ABCA10: variants seen among roughly 807,000 people sequenced by gnomAD.
ABCA10 encodes ATP-binding cassette sub-family A member 10.
ABCA10 carries 169 observed loss-of-function variants against 187.5 expected under a neutral mutation model. The ratio of observed to expected loss-of-function variants is 0.90; its 90% CI spans 0.80 to 1.02. ABCA10 has a LOEUF of 1.02. Among genes scored for constraint, ABCA10 ranks in the 50% least tolerant of loss-of-function variants. The pLI is 0.00. For synonymous variants in ABCA10, 574 were observed against 601.8 expected (o/e 0.95, Z 0.68); for missense variants, 1,727 against 1,812.4 (o/e 0.95, Z 0.86).
intron 9 of ABCA10, among the ~76,000 whole-genome samples, chr17:69,202,286 C>A (rs2074552030): frequency 6.6e-6 from 1 of 152,026 alleles, no homozygotes; most frequent in Non-Finnish European, 1.5e-5. Flanking sequence ...GATGTGTAAG[C>A]TGATCCTGCC....
chr17:69,210,769 G>A (rs2074637828), intron 9 of ABCA10, among the ~76,000 whole-genome samples: 1 of 149,222 alleles, frequency 6.7e-6, no homozygotes. Context: ...TTATGGATGA[G>A]TAGTATTTCA....
chr17:69,187,046 G>T (rs1568060787), intron 19 of ABCA10, among the ~76,000 whole-genome samples: 1 of 151,692 alleles, frequency 6.6e-6, no homozygotes, highest in Non-Finnish European at 1.5e-5. Flanking sequence ...AAGAGTTAAA[G>T]AAATCAATGA....
chr17:69,174,198 G>T, intron 25 of ABCA10, 83 bp downstream of exon 25: 2 of 1,011,284 alleles, frequency 2.0e-6, no homozygotes, highest in Non-Finnish European at 2.8e-6. Context: ...TCTCTTCTAA[G>T]CAAAGTATTT....
chr17:69,241,327 C>T (rs1394467986), intron 1 of ABCA10, among the ~76,000 whole-genome samples: 1 of 152,222 alleles, frequency 6.6e-6, no homozygotes, highest in African/African-American at 2.4e-5. Context: ...ATTCAACTCA[C>T]CATCTCTTGC....
At chr17:69,154,420 CTTT>C (rs56142812) in intron 30 of ABCA10, 94 bp from the exon 31 acceptor site, 14,073 of 454,570 alleles carry the variant, frequency 0.031, no homozygotes, top group Middle Eastern at 0.046. Flanking sequence ...AACAAAATGA[CTTT>C]TTTTTTTTTT....
At chr17:69,175,679 T>C (rs2074329391) in intron 22 of ABCA10, 166 bp from the exon 23 acceptor site, 2 of 523,512 alleles carry the variant, frequency 3.8e-6, no homozygotes, top group East Asian at 3.5e-5. Context: ...GCAGGTTCCA[T>C]TCCCAGGAAC....
At chr17:69,194,284 A>T (rs1323383207) in intron 12 of ABCA10, 101 bp downstream of exon 12, 1 of 984,946 alleles carries the variant, frequency 1.0e-6, no homozygotes, top group African/African-American at 1.6e-5. Context: ...AAATTATTCA[A>T]CTGTGTAACA....
At chr17:69,160,535 A>G (rs1346786961) in intron 27 of ABCA10, among the ~76,000 whole-genome samples, 1 of 152,164 alleles carries the variant, frequency 6.6e-6, no homozygotes, top group Admixed American at 6.5e-5. Flanking sequence ...TGAACCCAAG[A>G]GGCGGAGGTT....
intron 19 of ABCA10, 27 bp downstream of exon 19, chr17:69,187,654 A>G: frequency 6.3e-7 from 1 of 1,597,430 alleles, no homozygotes; most frequent in Non-Finnish European, 8.6e-7. Flanking sequence ...TACTGACCAA[A>G]TAGATATAAA....
chr17:69,238,112 A>G (rs2074882794), intron 1 of ABCA10, among the ~76,000 whole-genome samples: 1 of 151,370 alleles, frequency 6.6e-6, no homozygotes, highest in Non-Finnish European at 1.5e-5. Context: ...CAGTGAGCTG[A>G]GATCACGCCA....
chr17:69,193,336 C>T, intron 14 of ABCA10, 88 bp from the exon 15 acceptor site: 2 of 1,549,106 alleles, frequency 1.3e-6, no homozygotes, highest in Non-Finnish European at 1.7e-6. Context: ...GATTTCTAGA[C>T]TCAAATACAG....
chr17:69,218,824 G>A (rs1172630564), intron 6 of ABCA10, among the ~76,000 whole-genome samples: 1 of 152,128 alleles, frequency 6.6e-6, no homozygotes, highest in East Asian at 1.9e-4. Flanking sequence ...CAGACTATGT[G>A]ACCGGGCCTC....
intron 8 of ABCA10, 200 bp downstream of exon 8, chr17:69,215,615 G>T: frequency 2.1e-6 from 1 of 468,256 alleles, no homozygotes; most frequent in Non-Finnish European, 3.6e-6. Context: ...CTTTAAATTT[G>T]CTAGGATTTT....
intron 25 of ABCA10, among the ~76,000 whole-genome samples, chr17:69,166,903 A>C (rs988560119): frequency 6.6e-6 from 1 of 152,198 alleles, no homozygotes; most frequent in Non-Finnish European, 1.5e-5. Context: ...ACCAGGATTT[A>C]ACGTAGAAAA....
upstream of ABCA10, among the ~76,000 whole-genome samples, chr17:69,230,099 C>T (rs1410482555): frequency 6.6e-6 from 1 of 151,960 alleles, no homozygotes; most frequent in African/African-American, 2.4e-5. Flanking sequence ...GGAATGGGCT[C>T]CTGATAAAAG....
intron 1 of ABCA10, among the ~76,000 whole-genome samples, chr17:69,239,561 G>A (rs1312583439): frequency 1.3e-5 from 2 of 152,140 alleles, no homozygotes; most frequent in Non-Finnish European, 2.9e-5. Flanking sequence ...GCTGCTAGAG[G>A]CCGTGCTAAA....
At chr17:69,157,535 A>G (rs917534313) in intron 27 of ABCA10, among the ~76,000 whole-genome samples, 3 of 152,190 alleles carry the variant, frequency 2.0e-5, no homozygotes, top group African/African-American at 7.2e-5. Context: ...ACAGACTTGG[A>G]GCCCAAATTC....
At chr17:69,160,958 C>T (rs1251281984) in intron 27 of ABCA10, among the ~76,000 whole-genome samples, 1 of 152,158 alleles carries the variant, frequency 6.6e-6, no homozygotes, top group Non-Finnish European at 1.5e-5. Flanking sequence ...GATTAACACA[C>T]CCAAGTTCAT....
intron 1 of ABCA10, among the ~76,000 whole-genome samples, chr17:69,236,705 T>C (rs370725552): frequency 6.6e-6 from 1 of 152,330 alleles, no homozygotes. Context: ...TATTTTCAAA[T>C]GGGAGTAATT....
Sources: allele counts gnomAD v4.1 joint callset (sites outside exome capture counted in the v4.1 genomes callset), GRCh38; gene constraint gnomAD v4.1.1; transcripts MANE v1.5; gene names NCBI Gene and HGNC (gene_info 2026-07-23, HGNC 2026-07-21).